CFAP20DC: variants seen among roughly 807,000 people sequenced by gnomAD.
CFAP20DC encodes the protein protein CFAP20DC.
CFAP20DC carries 84 observed loss-of-function variants against 101.7 expected under a neutral mutation model. The ratio of observed to expected loss-of-function variants is 0.83; its 90% CI spans 0.69 to 0.99. The LOEUF (loss-of-function observed/expected upper bound fraction) is 0.99, where lower values mean the gene tolerates loss of function less well. Ranked by LOEUF, CFAP20DC falls within the 50% of genes least tolerant of loss-of-function variation. The pLI, the probability that CFAP20DC is intolerant of heterozygous loss-of-function variation, is 0.00. For missense variants in CFAP20DC, 1,007 were observed against 970.3 expected, an observed-to-expected ratio of 1.04 and a Z score of -0.50; for synonymous variants, 359 against 351.2, an observed-to-expected ratio of 1.02 and a Z score of -0.25.
rs58961774 is a variant in CFAP20DC at position 58,751,840 on chromosome 3, AACACACAC to A, written c.2332+1921_2332+1928del. On this transcript the variant is annotated intron_variant, in intron 16 of 16. Transcript: ENST00000482387. ...TTTGTGTCTCAGTTTCCTCAGCTGTAACACACACACACACACACACACACACAAAATTT... is the reference window on the plus strand; with the variant it reads ...TTTGTGTCTCAGTTTCCTCAGCTGTAACACACACACACACACACAAAATTT... Among the ~76,000 whole-genome samples, 1,174 of 140,728 alleles carry A rather than the reference AACACACAC, an allele frequency of 8.3e-3. 15 individuals carry two copies. Among genetic ancestry groups the A allele is most frequent in the African/African-American group, 0.032 (1,136 of 35,300 alleles). 92.3% of individuals were successfully genotyped at this position (140,728 alleles called of 152,430 possible).
intron 12 of CFAP20DC, among the ~76,000 whole-genome samples, chr3:58,856,383 G>C (rs550058513): frequency 4.0e-5 from 6 of 151,012 alleles, no homozygotes; most frequent in Admixed American, 6.6e-5. Flanking sequence ...TTTAAGATTG[G>C]GTGCCAATCT....
At chr3:58,822,821 TCTC>T in intron 14 of CFAP20DC, among the ~76,000 whole-genome samples, 1 of 152,146 alleles carries the variant, frequency 6.6e-6, no homozygotes, top group African/African-American at 2.4e-5. Flanking sequence ...ACTCTCACCT[TCTC>T]CTGTTCTCCC....
At position 58,897,197 on chromosome 3, in the gene CFAP20DC, T is replaced by C. The variant is rs528773436; in HGVS notation, c.551-12488A>G. Among the ~76,000 whole-genome samples the C allele has an allele frequency of 6.6e-6, 1 of 152,336 alleles. No individual in the cohort carries two copies. Among genetic ancestry groups the C allele is most frequent in the African/African-American group, 2.4e-5 (1 of 41,564 alleles). On this transcript the variant is annotated intron_variant, in intron 6 of 16. Transcript: ENST00000482387. This position sits in a 1 kb window ranked among gnomAD's most constrained non-coding sequence, Gnocchi z 4.4. ...AAGTCTATTTGTCAGAAACTAGGAT[T>C]GCAACCCCTGCTTTTTTCTGTTTTC... is the stretch of plus-strand genomic sequence containing the variant.
At chr3:59,011,079 C>T (rs904575484) in intron 4 of CFAP20DC, among the ~76,000 whole-genome samples, 4 of 152,078 alleles carry the variant, frequency 2.6e-5, no homozygotes, top group East Asian at 1.9e-4. Flanking sequence ...GAGAAAAGTT[C>T]GCAGCATTAA....
intron 15 of CFAP20DC, among the ~76,000 whole-genome samples, chr3:58,771,458 TCCCG>T (rs1296622937): frequency 6.6e-6 from 1 of 152,002 alleles, no homozygotes; most frequent in Non-Finnish European, 1.5e-5. Context: ...CATAGAGCCT[TCCCG>T]TTAACAATAT....
At position 58,788,735 on chromosome 3, in the gene CFAP20DC, G is replaced by C. The variant is rs1198437998; in HGVS notation, c.2237+17660C>G. On this transcript the variant is annotated intron_variant, in intron 15 of 16. Coordinates refer to ENST00000482387, the MANE Select transcript of CFAP20DC (RefSeq NM_001394063.1). This position sits in a 1 kb window ranked among gnomAD's most constrained non-coding sequence, Gnocchi z 4.2. ...TAATCTCAGCTTAAACTTCCTTTTA[G>C]CCTTGTGACCTTTGAGCCAAACTCT... is the stretch of plus-strand genomic sequence containing the variant. 1.3e-5 allele frequency among the ~76,000 whole-genome samples: 2 copies of C among 152,028 alleles called. No homozygotes were observed. The highest frequency in any genetic ancestry group is 4.8e-5 in the African/African-American group (2 of 41,410).
chr3:58,789,308 T>C (rs777426074), intron 15 of CFAP20DC, among the ~76,000 whole-genome samples: 5 of 152,086 alleles, frequency 3.3e-5, no homozygotes, highest in African/African-American at 4.8e-5. Flanking sequence ...TGTGGAATGA[T>C]GGGACTTAAT....
intron 4 of CFAP20DC, among the ~76,000 whole-genome samples, chr3:58,950,096 C>T (rs1349265467): frequency 6.6e-6 from 1 of 152,074 alleles, no homozygotes; most frequent in African/African-American, 2.4e-5. Context: ...AATCAATGTG[C>T]AAAAATCACA....
rs369578697 is a variant in CFAP20DC, at chr3:58,913,897, C to T, written c.394-33G>A. ...AGAGAGATGCAAAGAAGAGTAAGGA[C>T]CTTTCATCAACACATAAATGAACAA... is the stretch of plus-strand genomic sequence containing the variant. On this transcript the variant is annotated intron_variant, in intron 5 of 16. Transcript: ENST00000482387. The surrounding 1 kb of genome is among the most constrained non-coding windows in gnomAD (Gnocchi z 4.4). The T allele has an allele frequency of 6.2e-6, 10 of 1,609,144 alleles. No homozygotes were observed. The highest frequency in any genetic ancestry group is 7.6e-6 in the Non-Finnish European group (9 of 1,176,906).
At chr3:58,804,425 T>C (rs9851911) in intron 15 of CFAP20DC, among the ~76,000 whole-genome samples, 18,045 of 150,934 alleles carry the variant, frequency 0.12, 1,946 homozygotes, top group East Asian at 0.35. Context: ...TGCAGTTGTG[T>C]GATCTCGGCC....
intron 4 of CFAP20DC, among the ~76,000 whole-genome samples, chr3:58,981,435 C>T (rs1457992617): frequency 6.6e-6 from 1 of 152,182 alleles, no homozygotes; most frequent in African/African-American, 2.4e-5. Context: ...CCGGAGGCAT[C>T]ACACTACCTG....
Position 58,863,866 on chromosome 3 carries a change from C to G in CFAP20DC, c.1285G>C (p.Asp429His), listed in dbSNP as rs772866007. 8.1e-6 allele frequency: 13 copies of G among 1,611,640 alleles called. No homozygotes were observed. In the Admixed American group the frequency reaches 1.8e-4, roughly 23 times the overall value. The change falls in exon 12 of 17, where the codon GAT becomes CAT. Residue 429 changes from aspartate to histidine, a missense_variant. Physicochemically the swap from Asp to His is moderately conservative, Grantham distance 81. Coordinates refer to ENST00000482387, the MANE Select transcript of CFAP20DC (RefSeq NM_001394063.1). This position sits in a 1 kb window ranked among gnomAD's most constrained non-coding sequence, Gnocchi z 5.9. ...SDEWIFPENA[D>H]HISYLASSRQ... The stretch of plus-strand genomic sequence containing the variant: ...CTGGATGCCAGATATGAAATGTGAT[C>G]AGCATTTTCAGGAAAAATCCACTCA...
chr3:58,889,077 AATT>A (rs1392146209), intron 6 of CFAP20DC, among the ~76,000 whole-genome samples: 2 of 152,020 alleles, frequency 1.3e-5, no homozygotes, highest in Non-Finnish European at 2.9e-5. Flanking sequence ...TCAATATTAA[AATT>A]ATTAACTTTC....
chr3:58,716,566 C>G (rs1464795396), downstream of CFAP20DC, among the ~76,000 whole-genome samples: 1 of 152,134 alleles, frequency 6.6e-6, no homozygotes, highest in Non-Finnish European at 1.5e-5. Context: ...GGCCCAGTAG[C>G]AGGCCAAAAG....
chr3:58,859,960 C>T lies in CFAP20DC; in HGVS notation c.1593+3598G>A, dbSNP rs1052792146. On this transcript the variant is annotated intron_variant, in intron 12 of 16. Coordinates refer to ENST00000482387, the MANE Select transcript of CFAP20DC (RefSeq NM_001394063.1). This position sits in a 1 kb window ranked among gnomAD's most constrained non-coding sequence, Gnocchi z 4.1. The stretch of plus-strand genomic sequence containing the variant: ...TTCGGAAGCCGAGGCAGGCAGATCA[C>T]GAGGTCAGGAGATCGAGACCATCCT... Among the ~76,000 whole-genome samples, 6 of 151,914 alleles carry T rather than the reference C, an allele frequency of 3.9e-5. No individual in the cohort carries two copies. Among genetic ancestry groups the T allele is most frequent in the Non-Finnish European group, 8.8e-5 (6 of 67,976 alleles).
intron 6 of CFAP20DC, among the ~76,000 whole-genome samples, chr3:58,909,826 C>T (rs2083966323): frequency 6.6e-6 from 1 of 152,130 alleles, no homozygotes; most frequent in Non-Finnish European, 1.5e-5. Flanking sequence ...ATCAACTCAT[C>T]ATCTAAGTAT....
intron 6 of CFAP20DC, among the ~76,000 whole-genome samples, chr3:58,907,338 T>A (rs1410069013): frequency 6.6e-6 from 1 of 152,172 alleles, no homozygotes; most frequent in African/African-American, 2.4e-5. Context: ...ACTCTCCTCT[T>A]ACTGCTAAGT....
intron 15 of CFAP20DC, among the ~76,000 whole-genome samples, chr3:58,757,399 C>G (rs1411079099): frequency 6.6e-6 from 1 of 151,918 alleles, no homozygotes; most frequent in East Asian, 1.9e-4. Flanking sequence ...TATATATATG[C>G]ATGTGCCATA....
chr3:58,770,725 G>A (rs913775920), intron 15 of CFAP20DC, among the ~76,000 whole-genome samples: 9 of 152,182 alleles, frequency 5.9e-5, no homozygotes, highest in South Asian at 2.1e-4. Flanking sequence ...TTATGAAGGC[G>A]CTGGGGACCT....
Sources: gnomAD v4.1 joint callset for allele counts (sites outside exome capture counted in the v4.1 genomes callset) on GRCh38, gnomAD v4.1.1 for gene constraint, Gnocchi (gnomAD v3.1) non-coding constraint, MANE v1.5 for transcripts, NCBI Gene and HGNC (gene_info 2026-07-23, HGNC 2026-07-21) for gene names.